Variants in VRTN observed in about 807,000 individuals in gnomAD.
The protein encoded by VRTN is vertnin.
In VRTN, 5 loss-of-function variants were observed where a neutral mutation model predicts 18.2. That is an observed-to-expected ratio of 0.27 (90% CI 0.14 to 0.58). The LOEUF is 0.58. VRTN is among the 20% of genes least tolerant of loss of function. The pLI, the probability that VRTN is intolerant of heterozygous loss-of-function variation, is 0.91. For missense variants in VRTN, 741 were observed against 939.4 expected (o/e 0.79, Z 2.76); for synonymous variants, 381 against 393.7 (o/e 0.97, Z 0.38).
intron 1 of VRTN, among the ~76,000 whole-genome samples, chr14:74,316,385 C>A (rs1005518745): frequency 6.6e-6 from 1 of 151,744 alleles, no homozygotes; most frequent in Non-Finnish European, 1.5e-5. Flanking sequence ...GTGTGTCGCA[C>A]GCCTCTAGTC....
At chr14:74,346,359 A>G (rs999916863), upstream of VRTN, among the ~76,000 whole-genome samples, 1 of 152,160 alleles carries the variant, frequency 6.6e-6, no homozygotes, top group Non-Finnish European at 1.5e-5. Flanking sequence ...TGGCAGGTTT[A>G]GTGAGGAGAA....
chr14:74,338,185 A>G (rs1285012032), intron 2 of VRTN, among the ~76,000 whole-genome samples: 1 of 152,182 alleles, frequency 6.6e-6, no homozygotes, highest in South Asian at 2.1e-4. Flanking sequence ...CTCCTAACAA[A>G]TTTAACATTA....
At chr14:74,341,894 A>G (rs770543274) in intron 2 of VRTN, among the ~76,000 whole-genome samples, 1 of 152,200 alleles carries the variant, frequency 6.6e-6, no homozygotes, top group Non-Finnish European at 1.5e-5. Flanking sequence ...AAAGCGAGGT[A>G]TATATTAACT....
chr14:74,332,253 C>T (rs2085530939), intron 1 of VRTN, among the ~76,000 whole-genome samples: 1 of 150,108 alleles, frequency 6.7e-6, no homozygotes, highest in South Asian at 2.1e-4. Context: ...GCAACTGCTG[C>T]TTACCTGGCT....
At chr14:74,349,064 G>A (rs1031186964) in intron 1 of VRTN, among the ~76,000 whole-genome samples, 1 of 152,214 alleles carries the variant, frequency 6.6e-6, no homozygotes, top group African/African-American at 2.4e-5. Context: ...CCGGGAGCCT[G>A]TGCTGCTTCC....
intron 1 of VRTN, among the ~76,000 whole-genome samples, chr14:74,323,950 C>T (rs1164232871): frequency 6.6e-6 from 1 of 152,146 alleles, no homozygotes; most frequent in Non-Finnish European, 1.5e-5. Context: ...TGGGTGACCT[C>T]AGCCAAGCTG....
Position 74,357,560 on chromosome 14 carries a change from A to G in VRTN, c.777A>G (p.Pro259=). The part of the protein sequence containing the change: ...EGAPGVAPAL[P]ALAPLSSPAK... ...CCCCTGGCGTGGCCCCAGCTCTTCC[A>G]GCCCTGGCCCCACTCTCATCGCCGG... The change falls in exon 2 of 2, where the codon CCA becomes CCG. Residue 259 remains proline, a synonymous_variant. Coordinates refer to ENST00000256362, the MANE Select transcript of VRTN (RefSeq NM_018228.3). This position sits in a 1 kb window ranked among gnomAD's most constrained non-coding sequence, Gnocchi z 7.8. The G allele has an allele frequency of 1.2e-6, 2 of 1,613,748 alleles. No individual in the cohort carries two copies. Among genetic ancestry groups the G allele is most frequent in the Non-Finnish European group, 1.7e-6 (2 of 1,179,968 alleles).
chr14:74,323,539 G>A (rs189969210), intron 1 of VRTN, among the ~76,000 whole-genome samples: 9 of 151,194 alleles, frequency 6.0e-5, no homozygotes, highest in East Asian at 3.9e-4. Flanking sequence ...AGCCAAGGTC[G>A]CCCCACTGCA....
At chr14:74,330,987 C>G (rs1405207708) in intron 1 of VRTN, among the ~76,000 whole-genome samples, 1 of 149,408 alleles carries the variant, frequency 6.7e-6, no homozygotes, top group Non-Finnish European at 1.5e-5. Context: ...ATCACGAGGT[C>G]AGGAGATCGA....
chr14:74,335,589 C>T (rs904947706), intron 1 of VRTN, among the ~76,000 whole-genome samples: 1 of 152,066 alleles, frequency 6.6e-6, no homozygotes, highest in South Asian at 2.1e-4. Flanking sequence ...CACTATTTTA[C>T]AGATGAGGAA....
chr14:74,349,881 C>A (rs2085673014), intron 1 of VRTN, among the ~76,000 whole-genome samples: 1 of 152,140 alleles, frequency 6.6e-6, no homozygotes, highest in Non-Finnish European at 1.5e-5. Context: ...TGCCTTTACC[C>A]CCGCCCTTCT....
At chr14:74,352,413 G>A (rs1215498050) in intron 1 of VRTN, among the ~76,000 whole-genome samples, 5 of 152,006 alleles carry the variant, frequency 3.3e-5, no homozygotes, top group Admixed American at 6.6e-5. Flanking sequence ...TCCTGATCTC[G>A]TGATCCACCT....
chr14:74,346,418 T>G (rs1422948764), upstream of VRTN, among the ~76,000 whole-genome samples: 1 of 152,156 alleles, frequency 6.6e-6, no homozygotes, highest in African/African-American at 2.4e-5. Flanking sequence ...TTTTTTTTCT[T>G]TTTTTAAGAC....
At chr14:74,328,116 C>T (rs2085498992) in intron 1 of VRTN, among the ~76,000 whole-genome samples, 1 of 152,146 alleles carries the variant, frequency 6.6e-6, no homozygotes, top group South Asian at 2.1e-4. Context: ...TGGTATGTTC[C>T]ACCTCTTCTG....
At chr14:74,331,558 A>ATATATG (rs2085525709) in intron 1 of VRTN, among the ~76,000 whole-genome samples, 1 of 51,026 alleles carries the variant, frequency 2.0e-5, no homozygotes, top group African/African-American at 1.2e-4. Context: ...ATATATATAT[A>ATATATG]TATATATATA....
chr14:74,316,931 G>C (rs749663327), intron 1 of VRTN, among the ~76,000 whole-genome samples: 2 of 151,878 alleles, frequency 1.3e-5, no homozygotes, highest in African/African-American at 2.4e-5. Context: ...GTCACCGCCC[G>C]GCAAGGAGGG....
chr14:74,342,795 A>C (rs1470339142), intron 2 of VRTN, among the ~76,000 whole-genome samples: 5 of 151,802 alleles, frequency 3.3e-5, no homozygotes, highest in African/African-American at 1.2e-4. Context: ...TTTCTTTTTT[A>C]CTTTTGTGGA....
chr14:74,343,204 G>T (rs1204944599), intron 2 of VRTN, among the ~76,000 whole-genome samples: 1 of 151,988 alleles, frequency 6.6e-6, no homozygotes, highest in Non-Finnish European at 1.5e-5. Flanking sequence ...TTGGCTAACT[G>T]CAAACTCTAC....
intron 1 of VRTN, among the ~76,000 whole-genome samples, chr14:74,312,740 C>A (rs1034519015): frequency 1.3e-4 from 20 of 148,936 alleles, no homozygotes; most frequent in Middle Eastern, 3.5e-3. Context: ...CACGCACCAC[C>A]GCACCTGGCC....
Sources: allele counts gnomAD v4.1 joint callset (sites outside exome capture counted in the v4.1 genomes callset), GRCh38; gene constraint gnomAD v4.1.1; non-coding constraint Gnocchi (gnomAD v3.1); transcripts MANE v1.5; gene names NCBI Gene and HGNC (gene_info 2026-07-23, HGNC 2026-07-21).